Variants in TCF4 observed in about 807,000 individuals in gnomAD.
The protein encoded by TCF4 is SL3-3 enhancer factor 2.
A neutral mutation model predicts 82.1 loss-of-function variants in TCF4; 3 were observed. That is an observed-to-expected ratio of 0.04 (90% CI 0.02 to 0.09). The LOEUF (loss-of-function observed/expected upper bound fraction) is 0.09, where lower values mean the gene tolerates loss of function less well. TCF4 is among the 10% of genes least tolerant of loss of function. The pLI, the probability that TCF4 is intolerant of heterozygous loss-of-function variation, is 1.00. For missense variants in TCF4, 518 were observed against 852.7 expected (o/e 0.61, Z 4.89); for synonymous variants, 276 against 309.6 (o/e 0.89, Z 1.14).
At chr18:55,629,172 G>A (rs1746838251) in intron 2 of TCF4, among the ~76,000 whole-genome samples, 1 of 152,088 alleles carries the variant, frequency 6.6e-6, no homozygotes, top group Admixed American at 6.5e-5. Flanking sequence ...TTCTACAAAT[G>A]TCTGGAAAAT....
chr18:55,623,309 C>T (rs903228919), intron 2 of TCF4, among the ~76,000 whole-genome samples: 3 of 152,020 alleles, frequency 2.0e-5, no homozygotes, highest in African/African-American at 7.2e-5. Flanking sequence ...TTTCTTTTTC[C>T]CTTTTATATT....
At chr18:55,355,082 C>T (rs1020159021) in intron 6 of TCF4, among the ~76,000 whole-genome samples, 2 of 152,122 alleles carry the variant, frequency 1.3e-5, no homozygotes, top group Non-Finnish European at 2.9e-5. Flanking sequence ...GCTGCAATTC[C>T]ATTCTTTCAT....
chr18:55,366,009 TATAGATATAGATATAG>T (rs1195258434), intron 6 of TCF4, among the ~76,000 whole-genome samples: 1 of 100,764 alleles, frequency 9.9e-6, no homozygotes, highest in Non-Finnish European at 2.1e-5. Context: ...TAGATATAGA[TATAGATATAGATATAG>T]ATATATAAGA....
At chr18:55,527,858 G>A (rs576692781) in intron 3 of TCF4, among the ~76,000 whole-genome samples, 1 of 152,184 alleles carries the variant, frequency 6.6e-6, no homozygotes, top group South Asian at 2.1e-4. Flanking sequence ...CGTATTTTCT[G>A]TTATAAAAAA....
intron 5 of TCF4, among the ~76,000 whole-genome samples, chr18:55,429,143 C>T (rs375491862): frequency 3.0e-4 from 46 of 152,250 alleles, no homozygotes; most frequent in African/African-American, 8.2e-4. Flanking sequence ...GGCCCACAGA[C>T]GGCATATAAG....
intron 10 of TCF4, among the ~76,000 whole-genome samples, chr18:55,273,809 G>A (rs1375159736): frequency 6.6e-6 from 1 of 151,980 alleles, no homozygotes; most frequent in Non-Finnish European, 1.5e-5. Context: ...ATATTGTTTT[G>A]GTTCTGTAAA....
chr18:55,334,287 C>T (rs530246639), intron 8 of TCF4, among the ~76,000 whole-genome samples: 1 of 152,224 alleles, frequency 6.6e-6, no homozygotes, highest in East Asian at 1.9e-4. Flanking sequence ...CTCTACATGT[C>T]TTAAAATACC....
chr18:55,629,687 A>G (rs929137219), intron 2 of TCF4, among the ~76,000 whole-genome samples: 2 of 152,190 alleles, frequency 1.3e-5, no homozygotes, highest in Non-Finnish European at 1.5e-5. Flanking sequence ...CCAGCGTAGA[A>G]ACTACAAAGC....
At chr18:55,330,818 C>T (rs1057335522) in intron 8 of TCF4, among the ~76,000 whole-genome samples, 12 of 152,154 alleles carry the variant, frequency 7.9e-5, no homozygotes, top group South Asian at 2.1e-4. Flanking sequence ...CCGCCCGCCC[C>T]GGCCTCCCAA....
intron 3 of TCF4, among the ~76,000 whole-genome samples, chr18:55,521,460 A>C (rs1175612286): frequency 6.6e-6 from 1 of 152,266 alleles, no homozygotes; most frequent in Admixed American, 6.5e-5. Flanking sequence ...GTACACATTA[A>C]GTCAAATCTC....
rs374523494 is a variant in TCF4 at position 55,301,941 on chromosome 18, T to C, written c.550-22285A>G. ...ATATCTTTTCTAAGTAAACCGTTTC[T>C]GAGAAAAAAAGATGATTTAAGCTCA... On this transcript the variant is annotated intron_variant, in intron 8 of 19. Transcript: ENST00000354452. Among the ~76,000 whole-genome samples, 62 of 152,254 alleles carry C rather than the reference T, an allele frequency of 4.1e-4. No individual in the cohort carries two copies. In the East Asian group the frequency reaches 7.7e-3, roughly 19 times the overall value.
At chr18:55,475,806 T>C (rs2096277171) in intron 3 of TCF4, among the ~76,000 whole-genome samples, 2 of 152,310 alleles carry the variant, frequency 1.3e-5, no homozygotes, top group Admixed American at 1.3e-4. Context: ...GTTGATCATC[T>C]AGTGACATTT....
chr18:55,287,321 T>C (rs1351010231), intron 8 of TCF4, among the ~76,000 whole-genome samples: 3 of 152,156 alleles, frequency 2.0e-5, no homozygotes, highest in Non-Finnish European at 4.4e-5. Flanking sequence ...ATCACAAAAA[T>C]CGCATAATTT....
chr18:55,621,642 A>ATT (rs1455921380), intron 2 of TCF4, among the ~76,000 whole-genome samples: 2 of 10,680 alleles, frequency 1.9e-4, no homozygotes, highest in Non-Finnish European at 1.3e-4. Flanking sequence ...TATATTATAT[A>ATT]ATATACATTA....
intron 8 of TCF4, among the ~76,000 whole-genome samples, chr18:55,343,153 T>C (rs746423380): frequency 1.3e-5 from 2 of 152,132 alleles, no homozygotes; most frequent in Non-Finnish European, 2.9e-5. Context: ...CATGATTAAA[T>C]GTACTTGCAA....
chr18:55,378,306 C>T (rs976615468), intron 6 of TCF4, among the ~76,000 whole-genome samples: 4 of 152,174 alleles, frequency 2.6e-5, no homozygotes, highest in Non-Finnish European at 5.9e-5. Context: ...TATTAGACAA[C>T]ATTTACTGAG....
Position 55,322,444 on chromosome 18 carries a change from A to C in TCF4, c.549+27915T>G, listed in dbSNP as rs866660251. 6.3e-5 allele frequency: 64 copies of C among 1,008,192 alleles called. No individual in the cohort carries two copies. The East Asian group carries it at 2.8e-3, about 45-fold the overall frequency. The allele number at this position is 1,008,192 out of a possible 1,614,324, so 62.5% of individuals were successfully genotyped here. ...AGGGAAGAAAAAAAAAAAAAAAAAA[A>C]AAAAAACACCACGTCTCTGACCTCG... is the stretch of plus-strand genomic sequence containing the variant. On this transcript the variant is annotated intron_variant, in intron 8 of 19. Coordinates refer to ENST00000354452, the MANE Select transcript of TCF4 (RefSeq NM_001083962.2).
intron 3 of TCF4, among the ~76,000 whole-genome samples, chr18:55,516,718 G>A (rs554419460): frequency 2.6e-5 from 4 of 152,250 alleles, no homozygotes; most frequent in African/African-American, 7.2e-5. Context: ...CTAACAGAAA[G>A]GATAACAAAT....
chr18:55,597,066 T>A (rs1451938046), intron 2 of TCF4, among the ~76,000 whole-genome samples: 1 of 152,194 alleles, frequency 6.6e-6, no homozygotes, highest in African/African-American at 2.4e-5. Flanking sequence ...TCTCTCCTGC[T>A]GTGCCATGTG....
Sources: allele counts gnomAD v4.1 joint callset (sites outside exome capture counted in the v4.1 genomes callset), GRCh38; gene constraint gnomAD v4.1.1; transcripts MANE v1.5; gene names NCBI Gene and HGNC (gene_info 2026-07-23, HGNC 2026-07-21).